The following TGM2 variants were observed in gnomAD, a reference collection of about 807,000 sequenced individuals.
TGM2 encodes the protein protein-glutamine gamma-glutamyltransferase 2.
A neutral mutation model predicts 75.6 loss-of-function variants in TGM2; 53 were observed. The observed-to-expected ratio is 0.70, with a 90% CI of 0.56 to 0.88. The LOEUF (loss-of-function observed/expected upper bound fraction) is 0.88, where lower values mean the gene tolerates loss of function less well. Among genes scored for constraint, TGM2 ranks in the 40% least tolerant of loss-of-function variants. The pLI is 0.00. For missense variants in TGM2, 842 were observed against 928.5 expected (o/e 0.91, Z 1.21); for synonymous variants, 374 against 381.1 (o/e 0.98, Z 0.22).
chr20:38,150,142 C>T (rs1351939177), intron 4 of TGM2, among the ~76,000 whole-genome samples: 2 of 152,184 alleles, frequency 1.3e-5, no homozygotes, highest in Admixed American at 6.5e-5. Flanking sequence ...AGAATTTGTA[C>T]AGGTGGCTGG....
Position 38,153,534 on chromosome 20 carries a change from A to AAAAAAAAAAAAAAGAAAAG in TGM2, c.433+2312_433+2313insCTTTTCTTTTTTTTTTTTT, listed in dbSNP as rs1335016078. 1.5e-3 allele frequency among the ~76,000 whole-genome samples: 217 copies of AAAAAAAAAAAAAAGAAAAG among 143,940 alleles called. 1 individual carries two copies. The highest frequency in any genetic ancestry group is 4.8e-3 in the African/African-American group (189 of 39,248). The allele number at this position is 143,940 out of a possible 152,430, so 94.4% of individuals were successfully genotyped here. A position where few individuals can be genotyped will look rare whatever the true frequency, so the allele number is the denominator to read the frequency against. Reference sequence around the variant, plus strand: ...AGAGAGCCTTGGTCTCAAAAAAAAGAAAAAAAAAAAAAGAATGAATGAGCA... The same window carrying AAAAAAAAAAAAAAGAAAAG: ...AGAGAGCCTTGGTCTCAAAAAAAAGAAAAAAAAAAAAAAGAAAAGAAAAAAAAAAAAGAATGAATGAGCA... On this transcript the variant is annotated intron_variant, in intron 3 of 12. Transcript: ENST00000361475.
At chr20:38,143,663 T>G (rs940785665) in intron 6 of TGM2, among the ~76,000 whole-genome samples, 1 of 152,216 alleles carries the variant, frequency 6.6e-6, no homozygotes, top group Non-Finnish European at 1.5e-5. Flanking sequence ...GTGCTTTTAC[T>G]CTCTCATTTT....
At chr20:38,168,474 A>C (rs528576349), upstream of TGM2, among the ~76,000 whole-genome samples, 1 of 152,302 alleles carries the variant, frequency 6.6e-6, no homozygotes, top group South Asian at 2.1e-4. Context: ...TTTGTCATCT[A>C]TTCAGGGGAA....
intron 10 of TGM2, among the ~76,000 whole-genome samples, chr20:38,134,721 G>A (rs916793331): frequency 1.3e-5 from 2 of 152,200 alleles, no homozygotes; most frequent in African/African-American, 4.8e-5. Context: ...AAGGGTGGAG[G>A]CAGGAAGGAG....
chr20:38,167,796 G>T (rs1366440608), upstream of TGM2, among the ~76,000 whole-genome samples: 2 of 152,130 alleles, frequency 1.3e-5, no homozygotes, highest in African/African-American at 4.8e-5. Flanking sequence ...CTGCAGGCCT[G>T]GACTTAGTTC....
chr20:38,151,979 A>G (rs1243575506), intron 3 of TGM2, among the ~76,000 whole-genome samples: 2 of 152,204 alleles, frequency 1.3e-5, no homozygotes, highest in African/African-American at 4.8e-5. Context: ...AGAAGGGGCA[A>G]TCTGGAGCCC....
At chr20:38,149,673 C>T (rs1158561036) in intron 4 of TGM2, among the ~76,000 whole-genome samples, 35 of 88,222 alleles carry the variant, frequency 4.0e-4, no homozygotes, top group Non-Finnish European at 5.4e-4. Flanking sequence ...AGCGAGACTC[C>T]GCCTCAAAAA....
At chr20:38,165,822 G>A (rs140890618), upstream of TGM2, among the ~76,000 whole-genome samples, 6 of 151,634 alleles carry the variant, frequency 4.0e-5, no homozygotes, top group South Asian at 2.1e-4. Flanking sequence ...CACCAAACAC[G>A]GCTGGCCACG....
chr20:38,167,856 C>T (rs2075322934), upstream of TGM2, among the ~76,000 whole-genome samples: 1 of 152,154 alleles, frequency 6.6e-6, no homozygotes, highest in Non-Finnish European at 1.5e-5. Flanking sequence ...ATTTTGGCCT[C>T]CTCACTGTGT....
intron 6 of TGM2, 199 bp downstream of exon 6, chr20:38,146,518 C>T (rs749289402): frequency 4.0e-5 from 29 of 721,282 alleles, no homozygotes; most frequent in South Asian, 3.8e-4. Flanking sequence ...CAATGATAGC[C>T]CTTGATCCTA....
rs141361516 is a variant in TGM2, at chr20:38,154,327, T to C, written c.433+1520A>G. ...CTAACAGCCAGGAGGCCAGAATTTC[T>C]GCCCTTTTGAAGAGGGACACCCGAT... is the stretch of plus-strand genomic sequence containing the variant. On this transcript the variant is annotated intron_variant, in intron 3 of 12. Coordinates refer to ENST00000361475, the MANE Select transcript of TGM2 (RefSeq NM_004613.4). 2.8e-4 allele frequency among the ~76,000 whole-genome samples: 43 copies of C among 152,330 alleles called. No individual in the cohort carries two copies. In the East Asian group the frequency reaches 8.3e-3, roughly 29 times the overall value.
chr20:38,147,081 G>C (rs1379043642), intron 5 of TGM2, among the ~76,000 whole-genome samples, 187 bp from the exon 6 acceptor site: 1 of 152,102 alleles, frequency 6.6e-6, no homozygotes, highest in African/African-American at 2.4e-5. Context: ...CTGGAGCCGG[G>C]GGACAGGAGG....
chr20:38,164,050 T>C (rs1277556555), intron 1 of TGM2, among the ~76,000 whole-genome samples: 1 of 152,206 alleles, frequency 6.6e-6, no homozygotes, highest in Non-Finnish European at 1.5e-5. Flanking sequence ...CACTGTGACA[T>C]GGGGCTGGAG....
At chr20:38,163,714 T>C (rs1399030585) in intron 1 of TGM2, among the ~76,000 whole-genome samples, 1 of 152,182 alleles carries the variant, frequency 6.6e-6, no homozygotes, top group Non-Finnish European at 1.5e-5. Flanking sequence ...GGTCCCCGTG[T>C]AATCACAACA....
At chr20:38,154,680 G>A (rs541450140) in intron 3 of TGM2, among the ~76,000 whole-genome samples, 3 of 152,176 alleles carry the variant, frequency 2.0e-5, no homozygotes, top group African/African-American at 4.8e-5. Context: ...TGAGAGGCCC[G>A]ACTGAGATAG....
At chr20:38,165,857 T>C (rs2075305856), upstream of TGM2, among the ~76,000 whole-genome samples, 1 of 150,650 alleles carries the variant, frequency 6.6e-6, no homozygotes, top group Non-Finnish European at 1.5e-5. Context: ...TGGATACAAA[T>C]TCAGATTCGA....
Position 38,144,472 on chromosome 20 carries a change from T to C in TGM2, c.859+2245A>G, listed in dbSNP as rs541446325. Among the ~76,000 whole-genome samples, 66 of 152,296 alleles carry C rather than the reference T, an allele frequency of 4.3e-4. No individual in the cohort carries two copies. The Middle Eastern group carries it at 0.01, about 24-fold the overall frequency. On this transcript the variant is annotated intron_variant, in intron 6 of 12. Transcript: ENST00000361475. ...TCGTCCATCAGTGCTGGCTGATTCATGGACATTGAGGAAGTACAGTGAGGG... is the reference window on the plus strand; with the variant it reads ...TCGTCCATCAGTGCTGGCTGATTCACGGACATTGAGGAAGTACAGTGAGGG...
chr20:38,165,256 C>G lies in TGM2; in HGVS notation c.-58G>C. 6.2e-7 allele frequency: 1 copy of G among 1,610,016 alleles called. No homozygotes were observed. ...CGGCGAGACCCTCCAAGTGCGACCA[C>G]TGGCGGCTGGCACTGCCGAGGCGGA... On this transcript the variant is annotated 5_prime_UTR_variant, in exon 1 of 13. Coordinates refer to ENST00000361475, the MANE Select transcript of TGM2 (RefSeq NM_004613.4).
In TGM2 at chr20:38,142,106, T is replaced by C. The variant is rs565017953; in HGVS notation, c.953A>G (p.Asn318Ser). ...GTCACCCTGGATCTCCCCAAACTCA[T>C]TGCGGAAGTACTCGATGAGAAGGTT... ...NSNLLIEYFR[N>S]EFGEIQGDKS... The change falls in exon 7 of 13, where the codon AAT becomes AGT. Residue 318 changes from asparagine (N) to serine (S), a missense_variant. Transcript: ENST00000361475. The C allele has an allele frequency of 1.5e-5, 24 of 1,613,976 alleles. No individual in the cohort carries two copies. Among genetic ancestry groups the C allele is most frequent in the Non-Finnish European group, 1.9e-5 (23 of 1,180,004 alleles).
Sources: allele counts gnomAD v4.1 joint callset (sites outside exome capture counted in the v4.1 genomes callset), GRCh38; gene constraint gnomAD v4.1.1; transcripts MANE v1.5; gene names NCBI Gene and HGNC (gene_info 2026-07-23, HGNC 2026-07-21).